SORCS2: variants seen among roughly 807,000 people sequenced by gnomAD.
SORCS2 encodes the protein sortilin related VPS10 domain containing receptor 2.
In SORCS2, 100 loss-of-function variants were observed where a neutral mutation model predicts 141.6. That is an observed-to-expected ratio of 0.71 (90% CI 0.60 to 0.83). SORCS2 has a LOEUF of 0.83. SORCS2 is among the 40% of genes least tolerant of loss of function. The pLI, the probability that SORCS2 is intolerant of heterozygous loss-of-function variation, is 0.00. For missense variants in SORCS2, 1,646 were observed against 1,560.2 expected, an observed-to-expected ratio of 1.05 and a Z score of -0.93; for synonymous variants, 789 against 676.9, an observed-to-expected ratio of 1.17 and a Z score of -2.57.
At chr4:7,287,078 C>A (rs1210851035) in intron 1 of SORCS2, among the ~76,000 whole-genome samples, 2 of 152,204 alleles carry the variant, frequency 1.3e-5, no homozygotes, top group African/African-American at 4.8e-5. Flanking sequence ...GGGTCACAGC[C>A]TTCTGTGTTG....
At chr4:7,620,863 GC>G (rs1253686959) in intron 3 of SORCS2, among the ~76,000 whole-genome samples, 1 of 152,190 alleles carries the variant, frequency 6.6e-6, no homozygotes, top group African/African-American at 2.4e-5. Flanking sequence ...GGACGGGAGG[GC>G]AGATCGGTCT....
chr4:7,562,820 G>A (rs1243918528), intron 3 of SORCS2, among the ~76,000 whole-genome samples: 2 of 152,138 alleles, frequency 1.3e-5, no homozygotes, highest in Admixed American at 6.5e-5. Context: ...CATCTCTGCA[G>A]CTGCCTTTTT....
At chr4:7,414,522 G>A (rs1490853568) in intron 2 of SORCS2, among the ~76,000 whole-genome samples, 1 of 152,102 alleles carries the variant, frequency 6.6e-6, no homozygotes, top group Non-Finnish European at 1.5e-5. Context: ...TTAAGCCGGC[G>A]GCCAAAGAGA....
intron 8 of SORCS2, among the ~76,000 whole-genome samples, chr4:7,667,679 C>A (rs1268808131): frequency 6.6e-6 from 1 of 152,176 alleles, no homozygotes; most frequent in Non-Finnish European, 1.5e-5. Flanking sequence ...CTCTGCATTC[C>A]AGCCACCTAG....
intron 3 of SORCS2, among the ~76,000 whole-genome samples, chr4:7,601,616 CAAAAA>C (rs1168678841): frequency 6.6e-4 from 30 of 45,644 alleles, no homozygotes; most frequent in African/African-American, 2.1e-3. Context: ...AAGACTCTCT[CAAAAA>C]AAAAAAAAAA....
intron 3 of SORCS2, among the ~76,000 whole-genome samples, chr4:7,625,708 G>T (rs145518147): frequency 6.2e-5 from 9 of 146,048 alleles, no homozygotes; most frequent in Non-Finnish European, 1.4e-4. Context: ...GGATGGAGGG[G>T]TGAGATGAAG....
intron 23 of SORCS2, 72 bp from the exon 24 acceptor site, chr4:7,733,250 C>A: frequency 8.5e-7 from 1 of 1,173,058 alleles, no homozygotes; most frequent in Non-Finnish European, 1.2e-6. Flanking sequence ...TGGAGGAGGA[C>A]CCCATCCCCC....
At chr4:7,693,191 A>G (rs898049963) in intron 11 of SORCS2, among the ~76,000 whole-genome samples, 3 of 151,544 alleles carry the variant, frequency 2.0e-5, no homozygotes, top group African/African-American at 7.3e-5. Flanking sequence ...TTTCTTCCTC[A>G]TCTTCACCCT....
chr4:7,719,987 T>C (rs565541411), intron 18 of SORCS2, among the ~76,000 whole-genome samples: 1 of 152,196 alleles, frequency 6.6e-6, no homozygotes, highest in South Asian at 2.1e-4. Flanking sequence ...CTAGGGAAGC[T>C]GGTGGGAGTG....
At chr4:7,483,969 C>T (rs749556653) in intron 2 of SORCS2, among the ~76,000 whole-genome samples, 24 of 152,130 alleles carry the variant, frequency 1.6e-4, no homozygotes, top group Non-Finnish European at 3.2e-4. Flanking sequence ...AGAAAGTAGC[C>T]GATTCAAAAT....
intron 2 of SORCS2, among the ~76,000 whole-genome samples, chr4:7,466,164 G>A (rs1729603450): frequency 6.6e-6 from 1 of 152,210 alleles, no homozygotes; most frequent in Non-Finnish European, 1.5e-5. Flanking sequence ...AAACCAAAAG[G>A]TGTTTCCTGG....
rs143644245 is a variant in SORCS2 at position 7,529,209 on chromosome 4, G to A, written c.549-2321G>A. Among the ~76,000 whole-genome samples the A allele has an allele frequency of 8.0e-4, 122 of 152,210 alleles. 2 individuals are homozygous for A. Among genetic ancestry groups the A allele is most frequent in the African/African-American group, 2.9e-3 (119 of 41,518 alleles). On this transcript the variant is annotated intron_variant, in intron 2 of 26. Transcript: ENST00000507866. ...ACCTCTCTCCTTCCTTCCAGACTCT[G>A]TGCAAACATCACCTTGTCTAAGGGG... is the stretch of plus-strand genomic sequence containing the variant.
chr4:7,446,364 C>T (rs555976206), intron 2 of SORCS2, among the ~76,000 whole-genome samples: 2 of 152,344 alleles, frequency 1.3e-5, no homozygotes, highest in South Asian at 4.1e-4. Context: ...GCGTCCGCAG[C>T]ATCAGGGGCT....
intron 2 of SORCS2, among the ~76,000 whole-genome samples, chr4:7,444,992 G>T (rs907500403): frequency 6.6e-6 from 1 of 152,248 alleles, no homozygotes; most frequent in South Asian, 2.1e-4. Flanking sequence ...GCAACACCCA[G>T]GTGGCCTGAT....
intron 17 of SORCS2, among the ~76,000 whole-genome samples, chr4:7,717,533 G>A (rs545745172): frequency 9.6e-4 from 147 of 152,334 alleles, no homozygotes; most frequent in Non-Finnish European, 7.6e-4. Flanking sequence ...TCTCTCAAGG[G>A]AACAGGGAGA....
intron 1 of SORCS2, among the ~76,000 whole-genome samples, chr4:7,274,918 C>A (rs1313259162): frequency 6.6e-6 from 1 of 152,138 alleles, no homozygotes; most frequent in Non-Finnish European, 1.5e-5. Context: ...GCTGCAGCGC[C>A]CATGTCTCCA....
intron 2 of SORCS2, among the ~76,000 whole-genome samples, chr4:7,421,140 G>A (rs1290217648): frequency 6.6e-6 from 1 of 152,142 alleles, no homozygotes; most frequent in African/African-American, 2.4e-5. Flanking sequence ...ACTTCTGCTT[G>A]GGTCCCCAGC....
chr4:7,560,922 A>G (rs1714490601), intron 3 of SORCS2, among the ~76,000 whole-genome samples: 1 of 152,194 alleles, frequency 6.6e-6, no homozygotes, highest in Non-Finnish European at 1.5e-5. Context: ...CAGGTTTGCC[A>G]AGCGAGATGG....
chr4:7,292,869 T>G (rs1373157612), intron 1 of SORCS2, among the ~76,000 whole-genome samples: 1 of 152,160 alleles, frequency 6.6e-6, no homozygotes, highest in Non-Finnish European at 1.5e-5. Context: ...ATTTACTAAT[T>G]AAAAAGGAAA....
Sources: allele counts gnomAD v4.1 joint callset (sites outside exome capture counted in the v4.1 genomes callset), GRCh38; gene constraint gnomAD v4.1.1; transcripts MANE v1.5; gene names NCBI Gene and HGNC (gene_info 2026-07-23, HGNC 2026-07-21).